CNGB3: variants seen among roughly 807,000 people sequenced by gnomAD.
CNGB3 encodes the protein cyclic nucleotide-gated channel beta-3.
A neutral mutation model predicts 92.8 loss-of-function variants in CNGB3; 86 were observed. That is an observed-to-expected ratio of 0.93 (90% CI 0.78 to 1.11). The LOEUF is 1.11. Ranked by LOEUF, CNGB3 falls within the 50% of genes least tolerant of loss-of-function variation. The probability of loss-of-function intolerance (pLI) is 0.00; values close to 1 mark genes in which losing one functional copy is unlikely to be tolerated. For missense variants in CNGB3, 1,026 were observed against 956.8 expected, an observed-to-expected ratio of 1.07 and a Z score of -0.95; for synonymous variants, 333 against 332.7, an observed-to-expected ratio of 1.00 and a Z score of -0.01.
chr8:86,694,426 G>T (rs1242011079), intron 3 of CNGB3, among the ~76,000 whole-genome samples: 69 of 151,752 alleles, frequency 4.5e-4, no homozygotes, highest in Non-Finnish European at 7.4e-4. Context: ...TCCCGGACGG[G>T]GTGGCTGCCG....
Position 86,574,851 on chromosome 8 carries a change from A to G in CNGB3, c.*953T>C, listed in dbSNP as rs1196877602. 1.3e-5 allele frequency: 2 copies of G among 152,192 alleles called. No homozygotes were observed. The highest frequency in any genetic ancestry group is 2.9e-5 in the Non-Finnish European group (2 of 68,030). The allele number at this position is 152,192 out of a possible 1,614,324, so 9.4% of individuals were successfully genotyped here. The stretch of plus-strand genomic sequence containing the variant: ...TAACTTGGAGATTTTGTAAACAGCT[A>G]TACATGTAGGTTCCGGAAATTGTGG... On this transcript the variant is annotated 3_prime_UTR_variant, in exon 18 of 18. Coordinates refer to ENST00000320005, the MANE Select transcript of CNGB3 (RefSeq NM_019098.5).
chr8:86,670,296 T>C (rs1306851113), intron 4 of CNGB3, among the ~76,000 whole-genome samples: 2 of 152,176 alleles, frequency 1.3e-5, no homozygotes. Flanking sequence ...TTGCATAACA[T>C]GGGTATTTTA....
intron 3 of CNGB3, among the ~76,000 whole-genome samples, chr8:86,712,409 A>C (rs1474411968): frequency 6.6e-6 from 1 of 152,098 alleles, no homozygotes; most frequent in Non-Finnish European, 1.5e-5. Context: ...CCCTAGTATT[A>C]GTATGGTTTT....
chr8:86,621,302 A>G (rs1822721991), intron 13 of CNGB3, among the ~76,000 whole-genome samples: 1 of 152,220 alleles, frequency 6.6e-6, no homozygotes, highest in South Asian at 2.1e-4. Flanking sequence ...AGTGACTTTC[A>G]TACATTTCTG....
Position 86,739,870 on chromosome 8 carries a change from G to T in CNGB3, c.130-134C>A. ...TGACTGTTTATGATGTACTAAAAAT[G>T]ATTCTTGCATTTAAAATGGGCATTC... On this transcript the variant is annotated intron_variant, in intron 1 of 17. Coordinates refer to ENST00000320005, the MANE Select transcript of CNGB3 (RefSeq NM_019098.5). The T allele has an allele frequency of 1.0e-5, 11 of 1,081,136 alleles. No individual in the cohort carries two copies. In the South Asian group the frequency reaches 1.6e-4, roughly 15 times the overall value. 67.0% of individuals were successfully genotyped at this position (1,081,136 alleles called of 1,614,324 possible).
intron 3 of CNGB3, among the ~76,000 whole-genome samples, chr8:86,710,006 C>T (rs944979078): frequency 6.6e-6 from 1 of 152,174 alleles, no homozygotes; most frequent in Non-Finnish European, 1.5e-5. Context: ...ATAAAATGGT[C>T]AGTCCCTCTG....
intron 13 of CNGB3, among the ~76,000 whole-genome samples, chr8:86,619,240 T>C (rs181824203): frequency 2.0e-5 from 3 of 152,314 alleles, no homozygotes; most frequent in Admixed American, 2.0e-4. Flanking sequence ...AATGCAGTAG[T>C]AGAGGCAAAA....
chr8:86,703,431 A>C (rs574903646), intron 3 of CNGB3, among the ~76,000 whole-genome samples: 6 of 152,250 alleles, frequency 3.9e-5, no homozygotes, highest in Admixed American at 6.5e-5. Flanking sequence ...CACACAATAT[A>C]ATTCTTTTTC....
chr8:86,580,841 G>T (rs1219453306), intron 15 of CNGB3, among the ~76,000 whole-genome samples: 1 of 152,176 alleles, frequency 6.6e-6, no homozygotes, highest in Non-Finnish European at 1.5e-5. Flanking sequence ...ACCCCTTGGA[G>T]TTAATCTGTT....
rs1375507464 is a variant in CNGB3, at chr8:86,604,092, C to T, written c.1781+1G>A. 2 of 1,588,848 alleles carry T rather than the reference C, an allele frequency of 1.3e-6. No homozygotes were observed. Among genetic ancestry groups the T allele is most frequent in the South Asian group, 1.1e-5 (1 of 90,562 alleles). Reference sequence around the variant, plus strand: ...ATATTTATGAAGTATCTTTCAGATACCTGATTTCTCCAAACACCGACCCAG... The same window carrying T: ...ATATTTATGAAGTATCTTTCAGATATCTGATTTCTCCAAACACCGACCCAG... On this transcript the variant is annotated splice_donor_variant, in intron 15 of 17. Coordinates refer to ENST00000320005, the MANE Select transcript of CNGB3 (RefSeq NM_019098.5). LOFTEE classifies it high-confidence loss of function.
At chr8:86,730,434 G>C (rs1825138713) in intron 2 of CNGB3, among the ~76,000 whole-genome samples, 1 of 152,112 alleles carries the variant, frequency 6.6e-6, no homozygotes, top group Non-Finnish European at 1.5e-5. Context: ...TTGGTGTGGG[G>C]GATGGTACTA....
At chr8:86,624,173 C>A (rs1346137076) in intron 13 of CNGB3, among the ~76,000 whole-genome samples, 2 of 152,322 alleles carry the variant, frequency 1.3e-5, no homozygotes, top group East Asian at 3.9e-4. Flanking sequence ...AATTCCAGCA[C>A]TTTGGGAGGC....
At chr8:86,663,060 G>A (rs986528361) in intron 6 of CNGB3, among the ~76,000 whole-genome samples, 1 of 152,098 alleles carries the variant, frequency 6.6e-6, no homozygotes, top group African/African-American at 2.4e-5. Flanking sequence ...TAGCCTAATC[G>A]ATATTTAACA....
At chr8:86,671,588 C>T (rs1288731520) in intron 3 of CNGB3, among the ~76,000 whole-genome samples, 1 of 152,208 alleles carries the variant, frequency 6.6e-6, no homozygotes, top group Non-Finnish European at 1.5e-5. Context: ...AGAGTTTCTC[C>T]AGCTGCTGAC....
chr8:86,596,858 G>A (rs112151246), intron 15 of CNGB3, among the ~76,000 whole-genome samples: 5,947 of 152,248 alleles, frequency 0.039, 393 homozygotes, highest in African/African-American at 0.13. Context: ...AAAAAAGGAT[G>A]AGTTCATGTC....
intron 4 of CNGB3, among the ~76,000 whole-genome samples, chr8:86,669,417 G>A (rs1029336146): frequency 6.6e-6 from 1 of 152,160 alleles, no homozygotes; most frequent in Non-Finnish European, 1.5e-5. Flanking sequence ...CAAATAAGGT[G>A]TCACAAAGGT....
chr8:86,665,677 T>A (rs1445376883), intron 6 of CNGB3, among the ~76,000 whole-genome samples: 1 of 152,138 alleles, frequency 6.6e-6, no homozygotes, highest in Non-Finnish European at 1.5e-5. Flanking sequence ...TTTTCACTTA[T>A]AAGTGAAACA....
rs901104008 is a variant in CNGB3, at chr8:86,647,866, G to C, written c.925C>G (p.Pro309Ala). 1.3e-6 allele frequency: 2 copies of C among 1,596,134 alleles called. No homozygotes were observed. Among genetic ancestry groups the C allele is most frequent in the Non-Finnish European group, 1.7e-6 (2 of 1,164,708 alleles). Residue 309 changes from proline (P) to alanine (A), a missense_variant, in exon 8 of 18, where the codon CCA (proline) becomes GCA (alanine). Transcript: ENST00000320005. Reference sequence around the variant, plus strand: ...AAGAAGAGGTAGCAAATATCAAATGGTATTATTGATGCGACATCCAACTGT... The same window carrying C: ...AAGAAGAGGTAGCAAATATCAAATGCTATTATTGATGCGACATCCAACTGT... ...KFQLDVASII[P>A]FDICYLFFGF...
At chr8:86,718,040 T>G (rs976130552) in intron 3 of CNGB3, among the ~76,000 whole-genome samples, 13 of 152,018 alleles carry the variant, frequency 8.6e-5, no homozygotes, top group African/African-American at 3.1e-4. Flanking sequence ...TTCATAGCAT[T>G]AAAGGCGTAC....
Sources: allele counts gnomAD v4.1 joint callset (sites outside exome capture counted in the v4.1 genomes callset), GRCh38; gene constraint gnomAD v4.1.1; transcripts MANE v1.5; gene names NCBI Gene and HGNC (gene_info 2026-07-23, HGNC 2026-07-21).